EYA4: variants seen among roughly 807,000 people sequenced by gnomAD.
EYA4 encodes protein phosphatase EYA4.
Under a neutral mutation model 87.9 loss-of-function variants are expected in EYA4, and 31 were observed. That is an observed-to-expected ratio of 0.35 (90% CI 0.27 to 0.48). The LOEUF (loss-of-function observed/expected upper bound fraction) is 0.48, where lower values mean the gene tolerates loss of function less well. Ranked by LOEUF, EYA4 falls within the 20% of genes least tolerant of loss-of-function variation. EYA4 has a pLI of 0.99. For missense variants in EYA4, 678 were observed against 761.4 expected, an observed-to-expected ratio of 0.89 and a Z score of 1.29; for synonymous variants, 263 against 270.6, an observed-to-expected ratio of 0.97 and a Z score of 0.28.
chr6:133,443,297 T>A (rs560994761), intron 3 of EYA4, among the ~76,000 whole-genome samples: 2 of 152,110 alleles, frequency 1.3e-5, no homozygotes, highest in East Asian at 3.9e-4. Context: ...TATTTAATTA[T>A]AAATTAAGTT....
intron 3 of EYA4, among the ~76,000 whole-genome samples, chr6:133,404,050 G>C (rs1190993314): frequency 6.6e-6 from 1 of 152,082 alleles, no homozygotes; most frequent in African/African-American, 2.4e-5. Flanking sequence ...CCGACCTCAG[G>C]TGATCCACCC....
In EYA4 at chr6:133,353,618, T is replaced by C. The variant is rs372879542; in HGVS notation, c.34-28774T>C. 3.9e-5 allele frequency among the ~76,000 whole-genome samples: 6 copies of C among 152,174 alleles called. No homozygotes were observed. The South Asian group carries it at 1.0e-3, about 26-fold the overall frequency. ...TAAACGTGAAAATTCCAAGACCGGATTCTCTCACCTTATGTCTAGCATCAG... is the reference window on the plus strand; with the variant it reads ...TAAACGTGAAAATTCCAAGACCGGACTCTCTCACCTTATGTCTAGCATCAG... On this transcript the variant is annotated intron_variant, in intron 2 of 19. Transcript: ENST00000355286.
In EYA4 at chr6:133,262,362, A is replaced by G. The variant is rs191487441; in HGVS notation, c.-65-12354A>G. Among the ~76,000 whole-genome samples, 121 of 152,342 alleles carry G rather than the reference A, an allele frequency of 7.9e-4. 2 individuals are homozygous for G. Among genetic ancestry groups the G allele is most frequent in the Admixed American group, 7.7e-3 (118 of 15,302 alleles). ...CAGTGTGTACAAAATGCTCAGCAGA[A>G]TAATTTCTCAGTACTGGTAGGGAAG... On this transcript the variant is annotated intron_variant, in intron 1 of 19. Coordinates refer to ENST00000355286, the MANE Select transcript of EYA4 (RefSeq NM_004100.5).
intron 18 of EYA4, among the ~76,000 whole-genome samples, chr6:133,524,745 C>T (rs1274803828): frequency 6.6e-6 from 1 of 152,140 alleles, no homozygotes. Flanking sequence ...TGTAAAGTTA[C>T]CCCAATACTC....
At chr6:133,441,844 G>A (rs777111629) in intron 3 of EYA4, among the ~76,000 whole-genome samples, 1 of 151,922 alleles carries the variant, frequency 6.6e-6, no homozygotes, top group South Asian at 2.1e-4. Flanking sequence ...GCTTTATGAG[G>A]AAGTTAAGTT....
intron 11 of EYA4, among the ~76,000 whole-genome samples, chr6:133,469,503 G>A (rs555094402): frequency 6.6e-6 from 1 of 151,940 alleles, no homozygotes; most frequent in African/African-American, 2.4e-5. Context: ...TAGACACATA[G>A]AGCAATGAAA....
chr6:133,527,545 T>C lies in EYA4; in HGVS notation c.1840-1180T>C, dbSNP rs1313052811. Among the ~76,000 whole-genome samples, 8 of 152,310 alleles carry C rather than the reference T, an allele frequency of 5.3e-5. No homozygotes were observed. In the East Asian group the frequency reaches 1.5e-3, roughly 29 times the overall value. ...AGTATACCCAAAATAATTGTCTTGATATCTAATTAATGTAAAAATTATTGA... is the reference window on the plus strand; with the variant it reads ...AGTATACCCAAAATAATTGTCTTGACATCTAATTAATGTAAAAATTATTGA... On this transcript the variant is annotated intron_variant, in intron 19 of 19. Transcript: ENST00000355286.
rs1775070149 is a variant in EYA4, at chr6:133,253,277, TC to T, written c.-66+11530del. Among the ~76,000 whole-genome samples, 5 of 152,152 alleles carry T rather than the reference TC, an allele frequency of 3.3e-5. No homozygotes were observed. In the South Asian group the frequency reaches 1.0e-3, roughly 32 times the overall value. On this transcript the variant is annotated intron_variant, in intron 1 of 19. Coordinates refer to ENST00000355286, the MANE Select transcript of EYA4 (RefSeq NM_004100.5). Reference sequence around the variant, plus strand: ...TTCTGCTTCATTCATGGACAGGAAGTCCAAAGAAGGCACAGCGAACCACAGG... The same window carrying T: ...TTCTGCTTCATTCATGGACAGGAAGTCAAAGAAGGCACAGCGAACCACAGG...
At chr6:133,367,043 C>T (rs1227534512) in intron 2 of EYA4, among the ~76,000 whole-genome samples, 2 of 152,154 alleles carry the variant, frequency 1.3e-5, no homozygotes, top group East Asian at 3.8e-4. Flanking sequence ...GCAAGAAATG[C>T]TGTAAAAGAA....
intron 13 of EYA4, among the ~76,000 whole-genome samples, chr6:133,498,774 C>T (rs192658419): frequency 2.0e-5 from 3 of 152,244 alleles, no homozygotes; most frequent in African/African-American, 7.2e-5. Context: ...AAAGCCAAAT[C>T]AAAGACAGTG....
At chr6:133,390,370 C>T (rs1016007469) in intron 3 of EYA4, among the ~76,000 whole-genome samples, 12 of 152,022 alleles carry the variant, frequency 7.9e-5, no homozygotes, top group African/African-American at 2.4e-4. Flanking sequence ...CAGGCGCCCC[C>T]GCCACCACAC....
At chr6:133,312,709 C>T (rs1213493483) in intron 2 of EYA4, among the ~76,000 whole-genome samples, 1 of 152,140 alleles carries the variant, frequency 6.6e-6, no homozygotes, top group African/African-American at 2.4e-5. Flanking sequence ...CAAGACTCCA[C>T]CCTCAACAAC....
chr6:133,391,312 C>T (rs1171124233), intron 3 of EYA4, among the ~76,000 whole-genome samples: 8 of 149,846 alleles, frequency 5.3e-5, no homozygotes, highest in African/African-American at 2.0e-4. Context: ...TCACCACAAC[C>T]TCCACCTCCC....
At chr6:133,362,074 A>G (rs1285944498) in intron 2 of EYA4, among the ~76,000 whole-genome samples, 1 of 152,222 alleles carries the variant, frequency 6.6e-6, no homozygotes, top group Non-Finnish European at 1.5e-5. Flanking sequence ...AAATAGCTAT[A>G]ACCTTGGGTG....
intron 3 of EYA4, among the ~76,000 whole-genome samples, chr6:133,421,237 T>G (rs559024802): frequency 1.1e-3 from 172 of 152,320 alleles, no homozygotes; most frequent in African/African-American, 3.9e-3. Context: ...TACTACACGC[T>G]GATTACAGTT....
chr6:133,403,157 T>G (rs1471977162), intron 3 of EYA4, among the ~76,000 whole-genome samples: 1 of 151,198 alleles, frequency 6.6e-6, no homozygotes, highest in Non-Finnish European at 1.5e-5. Flanking sequence ...CATTGTGTGG[T>G]TCAAATAGCC....
At chr6:133,487,423 C>T (rs1796775284) in intron 13 of EYA4, among the ~76,000 whole-genome samples, 1 of 152,120 alleles carries the variant, frequency 6.6e-6, no homozygotes, top group African/African-American at 2.4e-5. Context: ...CTTGTGCTAC[C>T]CCTCCCTCAG....
chr6:133,444,804 G>A (rs953056126), intron 3 of EYA4, among the ~76,000 whole-genome samples: 6 of 152,150 alleles, frequency 3.9e-5, no homozygotes, highest in Non-Finnish European at 1.5e-5. Context: ...GGATGTCTGG[G>A]CAGCGTACTA....
chr6:133,280,899 A>G (rs1777568797), intron 2 of EYA4, among the ~76,000 whole-genome samples: 1 of 152,094 alleles, frequency 6.6e-6, no homozygotes, highest in Admixed American at 6.6e-5. Context: ...AGCCCTAGAC[A>G]AGCACCAATC....
Sources: gnomAD v4.1 joint callset for allele counts (sites outside exome capture counted in the v4.1 genomes callset) on GRCh38, gnomAD v4.1.1 for gene constraint, MANE v1.5 for transcripts, NCBI Gene and HGNC (gene_info 2026-07-23, HGNC 2026-07-21) for gene names.